Variants in BAZ1A observed in about 807,000 individuals in gnomAD.
BAZ1A encodes the protein bromodomain adjacent to zinc finger domain protein 1A.
In BAZ1A, 50 loss-of-function variants were observed where a neutral mutation model predicts 185.2. That is an observed-to-expected ratio of 0.27 (90% CI 0.22 to 0.34). BAZ1A has a LOEUF of 0.34. BAZ1A is among the 10% of genes least tolerant of loss of function. The pLI is 1.00. For synonymous variants in BAZ1A, 571 were observed against 615.6 expected, an observed-to-expected ratio of 0.93 and a Z score of 1.07; for missense variants, 1,356 against 1,839.9, an observed-to-expected ratio of 0.74 and a Z score of 4.81.
At chr14:34,825,320 G>A (rs2042150288) in intron 4 of BAZ1A, among the ~76,000 whole-genome samples, 1 of 151,932 alleles carries the variant, frequency 6.6e-6, no homozygotes, top group East Asian at 1.9e-4. Flanking sequence ...GGGCGTGGTG[G>A]TGCATGCCTG....
chr14:34,872,914 A>G (rs1372668325), intron 2 of BAZ1A, among the ~76,000 whole-genome samples: 1 of 19,680 alleles, frequency 5.1e-5, no homozygotes, highest in Non-Finnish European at 1.3e-4. Flanking sequence ...TTAAAATCCT[A>G]AAAAAAAAAA....
intron 2 of BAZ1A, among the ~76,000 whole-genome samples, chr14:34,868,263 C>T (rs1358642156): frequency 6.6e-6 from 1 of 152,128 alleles, no homozygotes; most frequent in East Asian, 1.9e-4. Flanking sequence ...CCAAGCAAAG[C>T]CTGAAATACT....
intron 3 of BAZ1A, among the ~76,000 whole-genome samples, chr14:34,828,348 T>C (rs547808308): frequency 6.6e-6 from 1 of 151,826 alleles, no homozygotes; most frequent in Non-Finnish European, 1.5e-5. Context: ...TGTGCTAATT[T>C]TCAATGCTAG....
chr14:34,851,652 C>G (rs75310489), intron 3 of BAZ1A, among the ~76,000 whole-genome samples: 1 of 145,428 alleles, frequency 6.9e-6, no homozygotes, highest in Non-Finnish European at 1.5e-5. Context: ...TGTGTTTGCT[C>G]AAAAAAAAAA....
chr14:34,858,687 AT>A (rs2042722316), intron 3 of BAZ1A, among the ~76,000 whole-genome samples: 1 of 152,028 alleles, frequency 6.6e-6, no homozygotes, highest in African/African-American at 2.4e-5. Context: ...AAATAAATAA[AT>A]TTTAAAATAA....
rs750788363 is a variant in BAZ1A, at chr14:34,802,972, G to T, written c.743C>A (p.Thr248Lys). ...VIKIKASSLS[T>K]YKIAEQDFSY... ...AAAATCTTGTTCTGCTATTTTATAC[G>T]TTGAAAGAGATGATGCCTTAATAAA... is the stretch of plus-strand genomic sequence containing the variant. Residue 248 changes from threonine to lysine, a missense_variant, in exon 7 of 27, where the codon ACG becomes AAG. By Grantham distance (78) the Thr-to-Lys change is moderately conservative. Around this residue, in one of 7 missense-constraint regions of BAZ1A, gnomAD observed 332 missense variants for 395.3 expected, o/e 0.84. Transcript: ENST00000360310. 2.5e-6 allele frequency: 4 copies of T among 1,610,562 alleles called. No homozygotes were observed. In the East Asian group the frequency reaches 8.9e-5, roughly 36 times the overall value.
chr14:34,801,106 T>C lies in BAZ1A; in HGVS notation c.949A>G (p.Met317Val). 2 of 1,596,040 alleles carry C rather than the reference T, an allele frequency of 1.3e-6. No homozygotes were observed. The highest frequency in any genetic ancestry group is 2.3e-5 in the South Asian group (2 of 87,170). The change falls in exon 8 of 27, where the codon ATG becomes GTG. Residue 317 changes from methionine (M) to valine (V), a missense_variant. Coordinates refer to ENST00000360310, the MANE Select transcript of BAZ1A (RefSeq NM_013448.3). ...ERDKLLKQEE[M>V]KSLAFEKAKL... ...TGTTAAAACTCACCCAGTGACTTCATTTCTTCTTGTTTCAAAAGTTTATCT... is the reference window on the plus strand; with the variant it reads ...TGTTAAAACTCACCCAGTGACTTCACTTCTTCTTGTTTCAAAAGTTTATCT...
chr14:34,753,708 GA>G lies in BAZ1A; in HGVS notation c.4475-5del, dbSNP rs1566539054. 1 of 1,557,814 alleles carries G rather than the reference GA, an allele frequency of 6.4e-7. No homozygotes were observed. On this transcript the variant is annotated splice_polypyrimidine_tract_variant and splice_region_variant and intron_variant, in intron 26 of 26. Transcript: ENST00000360310. Reference sequence around the variant, plus strand: ...TCAATGTCATCAATAAACTCAGCTAGAAAGGGAAAGAGACAAAAAGATTAGA... The same window carrying G: ...TCAATGTCATCAATAAACTCAGCTAGAAGGGAAAGAGACAAAAAGATTAGA...
chr14:34,863,988 TA>T (rs1221347770), intron 2 of BAZ1A, among the ~76,000 whole-genome samples: 1 of 152,004 alleles, frequency 6.6e-6, no homozygotes, highest in Non-Finnish European at 1.5e-5. Context: ...GACACTCACC[TA>T]ATTTTTTTGA....
At chr14:34,861,743 T>G (rs1594911969) in intron 3 of BAZ1A, among the ~76,000 whole-genome samples, 1 of 152,166 alleles carries the variant, frequency 6.6e-6, no homozygotes, top group African/African-American at 2.4e-5. Context: ...TGAAAAGGGA[T>G]CTAGAGTATG....
At chr14:34,755,058 GAT>G (rs1041760213) in intron 25 of BAZ1A, 144 bp from the exon 26 acceptor site, 2 of 548,378 alleles carry the variant, frequency 3.6e-6, no homozygotes, top group East Asian at 3.0e-5. Flanking sequence ...TCTCTATATA[GAT>G]ATATATGTCT....
At chr14:34,770,707 C>T (rs1389116100) in intron 21 of BAZ1A, among the ~76,000 whole-genome samples, 1 of 152,102 alleles carries the variant, frequency 6.6e-6, no homozygotes, top group Non-Finnish European at 1.5e-5. Flanking sequence ...CTAGATTAGT[C>T]CCTAAAAACC....
At position 34,784,367 on chromosome 14, in the gene BAZ1A, C is replaced by CCAAAAAAAAAAAAA. The variant is rs1225939081; in HGVS notation, c.1832-441_1832-440insTTTTTTTTTTTTTG. ...TGGGCAACTGAGTGAGACTCTGTCT[C>CCAAAAAAAAAAAAA]AAAAAAAAAAAAAAAAAAAAAAAAA... On this transcript the variant is annotated intron_variant, in intron 14 of 26. Transcript: ENST00000360310. Among the ~76,000 whole-genome samples, 50 of 77,178 alleles carry CCAAAAAAAAAAAAA rather than the reference C, an allele frequency of 6.5e-4. 8 individuals carry two copies. The highest frequency in any genetic ancestry group is 1.9e-3 in the African/African-American group (31 of 16,420). 50.6% of individuals were successfully genotyped at this position (77,178 alleles called of 152,430 possible).
At chr14:34,790,182 T>C (rs1041842686) in intron 12 of BAZ1A, among the ~76,000 whole-genome samples, 14 of 146,754 alleles carry the variant, frequency 9.5e-5, no homozygotes, top group Middle Eastern at 3.5e-3. Context: ...TTTTTTTTTT[T>C]CCCTTTGAAA....
At chr14:34,786,099 C>CAAA in intron 13 of BAZ1A, 27 bp downstream of exon 13, 1 of 1,340,232 alleles carries the variant, frequency 7.5e-7, no homozygotes, top group Non-Finnish European at 1.0e-6. Context: ...AAAAGCCAAA[C>CAAA]AAAAAAAAAA....
chr14:34,819,448 A>G (rs114983112), intron 4 of BAZ1A, among the ~76,000 whole-genome samples: 4,273 of 152,274 alleles, frequency 0.028, 76 homozygotes, highest in South Asian at 0.055. Context: ...AGTTGGAATC[A>G]TAAGTATGTA....
chr14:34,805,445 T>C (rs61981236), intron 6 of BAZ1A, among the ~76,000 whole-genome samples: 30,065 of 152,224 alleles, frequency 0.2, 3,510 homozygotes, highest in Non-Finnish European at 0.26. Context: ...TCTTTGCTCA[T>C]TGATGTGTAA....
At chr14:34,786,043 A>T (rs745599328) in intron 13 of BAZ1A, 42 bp from the exon 14 acceptor site, 1 of 1,597,068 alleles carries the variant, frequency 6.3e-7, no homozygotes, top group Non-Finnish European at 8.5e-7. Context: ...GAATATAAAC[A>T]ATAAATACTC....
chr14:34,792,318 G>A (rs1019037176), intron 12 of BAZ1A, among the ~76,000 whole-genome samples: 3 of 151,940 alleles, frequency 2.0e-5, no homozygotes, highest in Admixed American at 6.6e-5. Flanking sequence ...CTGGGAGGTG[G>A]AGGTTGTGGT....
Sources: gnomAD v4.1 joint callset for allele counts (sites outside exome capture counted in the v4.1 genomes callset) on GRCh38, gnomAD v4.1.1 for gene constraint, gnomAD v4.1.1 regional missense constraint, MANE v1.5 for transcripts, NCBI Gene and HGNC (gene_info 2026-07-23, HGNC 2026-07-21) for gene names.